Variants in TUSC3 observed in about 807,000 individuals in gnomAD.
TUSC3 encodes the protein tumor suppressor candidate 3.
Under a neutral mutation model 44.8 loss-of-function variants are expected in TUSC3, and 45 were observed. The observed-to-expected ratio is 1.00, with a 90% CI of 0.79 to 1.29. The LOEUF (loss-of-function observed/expected upper bound fraction) is 1.29, where lower values mean the gene tolerates loss of function less well. TUSC3 is among the 50% of genes most tolerant of loss of function. TUSC3 has a pLI of 0.00. For missense variants in TUSC3, 519 were observed against 437.9 expected, an observed-to-expected ratio of 1.19 and a Z score of -1.65; for synonymous variants, 212 against 152.9, an observed-to-expected ratio of 1.39 and a Z score of -2.85.
intron 1 of TUSC3, among the ~76,000 whole-genome samples, chr8:15,589,090 C>A (rs892437071): frequency 4.6e-5 from 7 of 152,084 alleles, no homozygotes; most frequent in Non-Finnish European, 8.8e-5. Flanking sequence ...TATTTTCTTA[C>A]TAAATTTAAA....
rs974960929 is a variant in TUSC3 at position 15,484,673 on chromosome 8, A to T, written n.189+1190A>T. On this transcript the variant is annotated intron_variant and non_coding_transcript_variant, in intron 2 of 5. Transcript: ENST00000503191. ...ATTATTCTAGGTACACAGAAATCAG[A>T]TTAACATAGGCAATTCTTGCTTTGC... 1.3e-4 allele frequency among the ~76,000 whole-genome samples: 20 copies of T among 152,360 alleles called. No individual in the cohort carries two copies. The East Asian group carries it at 3.5e-3, about 26-fold the overall frequency.
intron 1 of TUSC3, among the ~76,000 whole-genome samples, chr8:15,456,178 G>T (rs1251001719): frequency 6.6e-6 from 1 of 152,080 alleles, no homozygotes; most frequent in Admixed American, 6.6e-5. Flanking sequence ...TAACTTCACA[G>T]CCTTCAATGA....
At chr8:15,801,515 AAGAG>A in the TUSC3 span, among the ~76,000 whole-genome samples, 3 of 152,148 alleles carry the variant, frequency 2.0e-5, no homozygotes, top group Non-Finnish European at 2.9e-5. Flanking sequence ...GAGAAAAAAA[AAGAG>A]AGAAATACAA....
At chr8:15,798,757 G>T in the TUSC3 span, among the ~76,000 whole-genome samples, 1 of 152,232 alleles carries the variant, frequency 6.6e-6, no homozygotes, top group Non-Finnish European at 1.5e-5. Context: ...ACTAAGGCTT[G>T]ACTGGCTCTT....
intron 2 of TUSC3, among the ~76,000 whole-genome samples, chr8:15,635,313 G>A (rs1806015869): frequency 6.6e-6 from 1 of 152,104 alleles, no homozygotes; most frequent in African/African-American, 2.4e-5. Flanking sequence ...AAGGTGTGTG[G>A]ACAAAAAGAG....
intron 1 of TUSC3, among the ~76,000 whole-genome samples, chr8:15,450,518 T>C (rs1800183814): frequency 6.6e-6 from 1 of 152,058 alleles, no homozygotes; most frequent in Admixed American, 6.6e-5. Flanking sequence ...ACCCCATCTC[T>C]AGTAAAAATA....
upstream of TUSC3, among the ~76,000 whole-genome samples, chr8:15,535,878 C>T (rs184240288): frequency 2.0e-5 from 3 of 152,258 alleles, no homozygotes; most frequent in East Asian, 5.8e-4. Context: ...ACCTCGTGAA[C>T]ATCTATCATG....
At chr8:15,832,713 C>T in the TUSC3 span, among the ~76,000 whole-genome samples, 1 of 152,140 alleles carries the variant, frequency 6.6e-6, no homozygotes, top group African/African-American at 2.4e-5. Context: ...GTAAAGGGTT[C>T]AATTCAACAA....
the TUSC3 span, among the ~76,000 whole-genome samples, chr8:15,815,564 C>A: frequency 2.0e-5 from 3 of 152,062 alleles, no homozygotes; most frequent in Admixed American, 6.6e-5. Context: ...AAAGGAGAGA[C>A]AGAGGAAGAG....
At chr8:15,584,568 A>T (rs1255894426) in intron 1 of TUSC3, among the ~76,000 whole-genome samples, 1 of 152,220 alleles carries the variant, frequency 6.6e-6, no homozygotes, top group Non-Finnish European at 1.5e-5. Flanking sequence ...ATGAGCTAAT[A>T]AGAAGTCTGT....
Position 15,749,985 on chromosome 8 carries a change from T to G in TUSC3, c.1028+1520T>G, listed in dbSNP as rs557201252. Among the ~76,000 whole-genome samples, 4 of 145,934 alleles carry G rather than the reference T, an allele frequency of 2.7e-5. No individual in the cohort carries two copies. In the East Asian group the frequency reaches 8.0e-4, roughly 29 times the overall value. ...TATACAGTAAGTGATACTGTGAGAT[T>G]TTTTTTTTTTTTGAAACGGAGTCTT... is the stretch of plus-strand genomic sequence containing the variant. On this transcript the variant is annotated intron_variant, in intron 9 of 10. Coordinates refer to ENST00000503731, the MANE Select transcript of TUSC3 (RefSeq NM_006765.4).
intron 2 of TUSC3, among the ~76,000 whole-genome samples, chr8:15,499,742 C>G (rs1026297238): frequency 1.3e-5 from 2 of 152,104 alleles, no homozygotes. Flanking sequence ...AGCTTTCTGC[C>G]TATCTTTGAG....
At chr8:15,478,982 C>T (rs1800621909) in intron 1 of TUSC3, among the ~76,000 whole-genome samples, 1 of 152,032 alleles carries the variant, frequency 6.6e-6, no homozygotes, top group Non-Finnish European at 1.5e-5. Flanking sequence ...TTGTGACTGG[C>T]ATGAGATGCT....
chr8:15,702,216 T>G (rs1346085752), intron 6 of TUSC3, among the ~76,000 whole-genome samples: 1 of 152,122 alleles, frequency 6.6e-6, no homozygotes, highest in Non-Finnish European at 1.5e-5. Flanking sequence ...GTACTTCAGA[T>G]GGAAGAGACT....
At chr8:15,575,172 A>G (rs1006632951) in intron 1 of TUSC3, among the ~76,000 whole-genome samples, 1 of 151,294 alleles carries the variant, frequency 6.6e-6, no homozygotes, top group African/African-American at 2.4e-5. Context: ...TTTTTTTTGC[A>G]TATAAACCTA....
At position 15,460,391 on chromosome 8, in the gene TUSC3, T is replaced by A. The variant is rs922014403; in HGVS notation, n.92-22995T>A. ...GCCCAGTTTTCTATGGGATTGCTTG[T>A]TTTTTTATCGCTGATTTAAGTTTGT... On this transcript the variant is annotated intron_variant and non_coding_transcript_variant, in intron 1 of 5. Coordinates refer to the TUSC3 transcript ENST00000503191. Among the ~76,000 whole-genome samples, 4 of 152,064 alleles carry A rather than the reference T, an allele frequency of 2.6e-5. No individual in the cohort carries two copies. In the East Asian group the frequency reaches 7.7e-4, roughly 29 times the overall value.
chr8:15,673,690 T>G, intron 5 of TUSC3, 57 bp from the exon 6 acceptor site: 1 of 1,317,332 alleles, frequency 7.6e-7, no homozygotes, highest in Non-Finnish European at 1.1e-6. Context: ...CTTTTAGAAA[T>G]GCATTATTCT....
the TUSC3 span, among the ~76,000 whole-genome samples, chr8:15,784,997 A>G: frequency 6.9e-6 from 1 of 145,438 alleles, no homozygotes. Context: ...GAAACATGAC[A>G]TTGTACCTAA....
chr8:15,607,140 G>A (rs960977824), intron 1 of TUSC3, among the ~76,000 whole-genome samples: 1 of 152,044 alleles, frequency 6.6e-6, no homozygotes, highest in African/African-American at 2.4e-5. Flanking sequence ...GCCACAAATG[G>A]TTGGGGGAGA....
Sources: allele counts gnomAD v4.1 joint callset (sites outside exome capture counted in the v4.1 genomes callset), GRCh38; gene constraint gnomAD v4.1.1; transcripts MANE v1.5; gene names NCBI Gene and HGNC (gene_info 2026-07-23, HGNC 2026-07-21).